ZNF430: variants seen among roughly 807,000 people sequenced by gnomAD.
ZNF430 encodes the protein zinc finger protein 430.
ZNF430 carries 35 observed loss-of-function variants against 56.7 expected under a neutral mutation model. The ratio of observed to expected loss-of-function variants is 0.62; its 90% CI spans 0.47 to 0.82. ZNF430 has a LOEUF of 0.82. Ranked by LOEUF, ZNF430 falls within the 40% of genes least tolerant of loss-of-function variation. The pLI, the probability that ZNF430 is intolerant of heterozygous loss-of-function variation, is 0.00. For synonymous variants in ZNF430, 212 were observed against 224.3 expected, an observed-to-expected ratio of 0.94 and a Z score of 0.49; for missense variants, 574 against 661.0, an observed-to-expected ratio of 0.87 and a Z score of 1.44.
intron 4 of ZNF430, among the ~76,000 whole-genome samples, chr19:21,047,184 A>T (rs1283090439): frequency 6.6e-6 from 1 of 152,140 alleles, no homozygotes; most frequent in Non-Finnish European, 1.5e-5. Context: ...CAGTTCCATC[A>T]GGTCATTTAT....
At chr19:21,055,288 A>G (rs1202961272) in intron 4 of ZNF430, among the ~76,000 whole-genome samples, 1 of 152,116 alleles carries the variant, frequency 6.6e-6, no homozygotes, top group Non-Finnish European at 1.5e-5. Flanking sequence ...CACAATCCTT[A>G]TAATGTAGCT....
intron 2 of ZNF430, among the ~76,000 whole-genome samples, chr19:21,032,502 C>T (rs1328741551): frequency 3.3e-5 from 5 of 151,946 alleles, no homozygotes; most frequent in Admixed American, 6.6e-5. Flanking sequence ...GCGAGGTGGG[C>T]GGATCACCTG....
chr19:21,025,427 C>T (rs879780419), intron 2 of ZNF430, among the ~76,000 whole-genome samples: 8 of 152,132 alleles, frequency 5.3e-5, no homozygotes, highest in Admixed American at 5.2e-4. Flanking sequence ...TGTTTTATCA[C>T]CCAGATCTTT....
chr19:21,044,228 T>A (rs537080517), intron 4 of ZNF430, among the ~76,000 whole-genome samples: 1 of 152,194 alleles, frequency 6.6e-6, no homozygotes, highest in East Asian at 1.9e-4. Context: ...TCATCATAAA[T>A]GACTCTTATT....
Position 21,057,151 on chromosome 19 carries a change from A to G in ZNF430, c.843A>G (p.Ile281Met). ...CCTCAACCCTTACTACACATAAGAT[A>G]ATTCATACTGGAGAGAAACCCTACA... Reference protein sequence around the residue: ...KQSSTLTTHKIIHTGEKPYRC... With the variant: ...KQSSTLTTHKMIHTGEKPYRC... The change falls in exon 5 of 5, where the codon ATA becomes ATG. Residue 281 changes from isoleucine (I) to methionine (M), a missense_variant. Ile to Met is a conservative substitution (Grantham distance 10). Transcript: ENST00000261560. 1.2e-6 allele frequency: 2 copies of G among 1,613,984 alleles called. No homozygotes were observed. Among genetic ancestry groups the G allele is most frequent in the Non-Finnish European group, 1.7e-6 (2 of 1,179,996 alleles).
intron 4 of ZNF430, among the ~76,000 whole-genome samples, chr19:21,054,412 G>A (rs763839635): frequency 6.6e-6 from 1 of 151,034 alleles, no homozygotes; most frequent in African/African-American, 2.4e-5. Flanking sequence ...TTTGCTGATG[G>A]TATTATACTC....
intron 4 of ZNF430, among the ~76,000 whole-genome samples, chr19:21,042,546 G>A (rs1340109989): frequency 6.6e-6 from 1 of 152,144 alleles, no homozygotes; most frequent in African/African-American, 2.4e-5. Flanking sequence ...CCAGCACTTT[G>A]GGGGTGCCGA....
At chr19:21,027,363 A>T (rs1967823202) in intron 2 of ZNF430, among the ~76,000 whole-genome samples, 1 of 152,174 alleles carries the variant, frequency 6.6e-6, no homozygotes, top group Non-Finnish European at 1.5e-5. Context: ...AAAAATGTTA[A>T]ATTATATTGA....
intron 4 of ZNF430, among the ~76,000 whole-genome samples, chr19:21,051,183 TTTTCTC>T (rs1241330295): frequency 2.0e-5 from 3 of 152,142 alleles, no homozygotes; most frequent in Non-Finnish European, 4.4e-5. Context: ...CACCACTCTG[TTTTCTC>T]TTTCTAAGAG....
intron 2 of ZNF430, among the ~76,000 whole-genome samples, chr19:21,028,932 C>T (rs1967852394): frequency 6.9e-6 from 1 of 144,820 alleles, no homozygotes; most frequent in South Asian, 2.1e-4. Context: ...GATCCGCCCA[C>T]CTCAGCCTCC....
At chr19:21,051,218 C>A (rs954741793) in intron 4 of ZNF430, among the ~76,000 whole-genome samples, 1 of 151,968 alleles carries the variant, frequency 6.6e-6, no homozygotes, top group African/African-American at 2.4e-5. Flanking sequence ...TTTCATGTAT[C>A]TTCTACAGTC....
chr19:21,042,754 C>T (rs919820981), intron 4 of ZNF430, among the ~76,000 whole-genome samples: 2 of 151,488 alleles, frequency 1.3e-5, no homozygotes, highest in Non-Finnish European at 2.9e-5. Flanking sequence ...CGCCACTGCA[C>T]TCTAGCCTGG....
In ZNF430 at chr19:21,022,875, T is replaced by A. The variant is rs1967723037; in HGVS notation, c.90T>A (p.Tyr30Ter). The stretch of plus-strand genomic sequence containing the variant: ...GGAATCTTCTGGTGTACTCTTTTTA[T>A]GAAAAGGTAACCCCTTGAGATGTTA... ...ADRNLLVYSF[Y>*]EKGPLTFRDV... Residue 30 changes from tyrosine to a stop codon, truncating the protein, a stop_gained, in exon 2 of 5, where the codon TAT (tyrosine) becomes TAA (stop). Transcript: ENST00000261560. LOFTEE classifies it high-confidence loss of function. The A allele has an allele frequency of 3.1e-6, 5 of 1,612,014 alleles. No individual in the cohort carries two copies. Among genetic ancestry groups the A allele is most frequent in the Non-Finnish European group, 2.5e-6 (3 of 1,178,216 alleles).
intron 4 of ZNF430, among the ~76,000 whole-genome samples, chr19:21,038,687 C>A (rs529080349): frequency 2.0e-5 from 3 of 152,244 alleles, no homozygotes; most frequent in Admixed American, 6.5e-5. Flanking sequence ...CCTGGCCTCA[C>A]AAAGTGCTGG....
intron 4 of ZNF430, chr19:21,036,051 G>C (rs528194024): frequency 6.6e-6 from 1 of 152,066 alleles, no homozygotes; most frequent in Admixed American, 6.6e-5. Flanking sequence ...CTATTACTGC[G>C]CAGTTTCATA....
chr19:21,031,251 C>T (rs1019586136), intron 2 of ZNF430, among the ~76,000 whole-genome samples: 1 of 150,762 alleles, frequency 6.6e-6, no homozygotes, highest in Non-Finnish European at 1.5e-5. Context: ...CCATGGATTT[C>T]GTTTATTGTT....
intron 4 of ZNF430, among the ~76,000 whole-genome samples, chr19:21,044,808 G>T (rs1968160517): frequency 6.6e-6 from 1 of 152,040 alleles, no homozygotes; most frequent in Non-Finnish European, 1.5e-5. Flanking sequence ...TTTGGTCTTG[G>T]GAGGGTGTTT....
intron 2 of ZNF430, among the ~76,000 whole-genome samples, chr19:21,030,731 T>C (rs1967886978): frequency 6.6e-6 from 1 of 152,088 alleles, no homozygotes; most frequent in African/African-American, 2.4e-5. Flanking sequence ...GGGAACTTGT[T>C]TGAAACACGC....
intron 4 of ZNF430, 129 bp from the exon 5 acceptor site, chr19:21,056,502 A>AAG: frequency 3.1e-6 from 2 of 651,334 alleles, no homozygotes; most frequent in Non-Finnish European, 4.6e-6. Context: ...AAAAAAAAAA[A>AAG]TTAGGGCCTT....
Sources: gnomAD v4.1 joint callset for allele counts (sites outside exome capture counted in the v4.1 genomes callset) on GRCh38, gnomAD v4.1.1 for gene constraint, MANE v1.5 for transcripts, NCBI Gene and HGNC (gene_info 2026-07-23, HGNC 2026-07-21) for gene names.